Variants in ENTPD1 observed in about 807,000 individuals in gnomAD.
ENTPD1 encodes the protein ATP diphosphohydrolase.
Under a neutral mutation model 57.0 loss-of-function variants are expected in ENTPD1, and 33 were observed. The observed-to-expected ratio is 0.58, with a 90% CI of 0.44 to 0.77. The LOEUF (loss-of-function observed/expected upper bound fraction) is 0.77. Ranked by LOEUF, ENTPD1 falls within the 30% of genes least tolerant of loss-of-function variation. ENTPD1 has a pLI of 0.00. For synonymous variants in ENTPD1, 202 were observed against 218.8 expected (o/e 0.92, Z 0.68); for missense variants, 501 against 603.4 (o/e 0.83, Z 1.78).
rs1022406611 is a variant in ENTPD1, at chr10:95,876,923, G to A, written c.*10540G>A. On this transcript the variant is annotated 3_prime_UTR_variant, in exon 10 of 10. Transcript: ENST00000371205. ...GACAGTCAAATGGTGAAGGTGGGCA[G>A]AATCATTATGTGATGCAACATGGCA... Among the ~76,000 whole-genome samples the A allele has an allele frequency of 6.6e-6, 1 of 152,204 alleles. No individual in the cohort carries two copies. Among genetic ancestry groups the A allele is most frequent in the African/African-American group, 2.4e-5 (1 of 41,456 alleles).
chr10:95,866,976 G>C lies in ENTPD1; in HGVS notation c.*593G>C. 2 of 996,012 alleles carry C rather than the reference G, an allele frequency of 2.0e-6. No homozygotes were observed. Among genetic ancestry groups the C allele is most frequent in the Non-Finnish European group, 1.2e-6 (1 of 835,626 alleles). 61.7% of individuals were successfully genotyped at this position (996,012 alleles called of 1,614,324 possible). A position where few individuals can be genotyped will look rare whatever the true frequency, so the allele number is the denominator to read the frequency against. ...TATATGTGCTCATGCAGTCAATACA[G>C]TTCTCAATCCCACCCAAAGCAGGTA... is the stretch of plus-strand genomic sequence containing the variant. On this transcript the variant is annotated 3_prime_UTR_variant, in exon 10 of 10. Transcript: ENST00000371205.
chr10:95,694,841 G>A, the ENTPD1 span, among the ~76,000 whole-genome samples: 1 of 151,552 alleles, frequency 6.6e-6, no homozygotes, highest in African/African-American at 2.4e-5. Context: ...GGTAGTCACC[G>A]GCCTTATGTG....
At chr10:95,706,702 T>C in the ENTPD1 span, among the ~76,000 whole-genome samples, 1 of 152,198 alleles carries the variant, frequency 6.6e-6, no homozygotes, top group Non-Finnish European at 1.5e-5. Context: ...GTCCTGTGGC[T>C]CATAGGGTAG....
chr10:95,807,540 G>A (rs566636230), intron 1 of ENTPD1, among the ~76,000 whole-genome samples: 2 of 152,348 alleles, frequency 1.3e-5, no homozygotes, highest in South Asian at 4.1e-4. Flanking sequence ...GTTCCAATGA[G>A]TTGAACCAGG....
chr10:95,707,802 A>G (rs2097963117), upstream of ENTPD1, among the ~76,000 whole-genome samples: 1 of 152,136 alleles, frequency 6.6e-6, no homozygotes, highest in Admixed American at 6.5e-5. Flanking sequence ...ATGGAGTTTC[A>G]CCATGCTAGC....
chr10:95,804,511 G>A (rs991952478), intron 1 of ENTPD1, among the ~76,000 whole-genome samples: 1 of 152,222 alleles, frequency 6.6e-6, no homozygotes, highest in African/African-American at 2.4e-5. Context: ...GTATAAGAAT[G>A]CTTATGATTT....
At chr10:95,794,184 C>T (rs928177119) in intron 1 of ENTPD1, among the ~76,000 whole-genome samples, 3 of 151,966 alleles carry the variant, frequency 2.0e-5, no homozygotes, top group African/African-American at 7.3e-5. Flanking sequence ...GATGATTTGG[C>T]TACTACAGTT....
intron 1 of ENTPD1, among the ~76,000 whole-genome samples, chr10:95,729,055 C>G (rs546047329): frequency 1.3e-5 from 2 of 152,040 alleles, no homozygotes; most frequent in African/African-American, 4.8e-5. Flanking sequence ...GGTTCATCTG[C>G]ATGTTTTTTC....
chr10:95,751,804 G>A (rs144221281), upstream of ENTPD1, among the ~76,000 whole-genome samples: 145 of 152,106 alleles, frequency 9.5e-4, 1 homozygote, highest in Middle Eastern at 6.8e-3. Flanking sequence ...TGCTAAGTTT[G>A]AGCTGCTTGT....
At chr10:95,810,572 T>C (rs907764296) in intron 1 of ENTPD1, among the ~76,000 whole-genome samples, 48 of 152,228 alleles carry the variant, frequency 3.2e-4, no homozygotes, top group Non-Finnish European at 5.4e-4. Flanking sequence ...TTTAGTTGCC[T>C]TTTTTATTCT....
chr10:95,838,783 A>G (rs1342409019), intron 2 of ENTPD1, among the ~76,000 whole-genome samples: 1 of 152,196 alleles, frequency 6.6e-6, no homozygotes, highest in East Asian at 1.9e-4. Flanking sequence ...GCTACCCCTC[A>G]TTTAATGTCC....
In ENTPD1 at chr10:95,842,194, T is replaced by C. The variant is rs1038540475; in HGVS notation, c.263-150T>C. The C allele has an allele frequency of 9.8e-6, 7 of 714,966 alleles. No homozygotes were observed. The East Asian group carries it at 1.4e-4, about 14-fold the overall frequency. 44.3% of individuals were successfully genotyped at this position (714,966 alleles called of 1,614,324 possible). A position where few individuals can be genotyped will look rare whatever the true frequency, so the allele number is the denominator to read the frequency against. ...CCTCTCAAGGCTAGGTCCAGTGAAT[T>C]ACCCTCTAAGTACAATAACCTAATG... On this transcript the variant is annotated intron_variant, in intron 3 of 9. Transcript: ENST00000371205.
intron 6 of ENTPD1, among the ~76,000 whole-genome samples, chr10:95,846,759 G>A (rs1368097161): frequency 6.6e-6 from 1 of 152,048 alleles, no homozygotes. Context: ...AGGCCGAGGC[G>A]GGTGGATCAC....
chr10:95,814,775 G>A (rs962665262), intron 1 of ENTPD1, among the ~76,000 whole-genome samples: 10 of 152,140 alleles, frequency 6.6e-5, no homozygotes, highest in Non-Finnish European at 4.4e-5. Context: ...TTCCTCTGAC[G>A]TCTGTGGTTC....
chr10:95,803,036 C>A (rs2098256807), intron 1 of ENTPD1, among the ~76,000 whole-genome samples: 1 of 152,076 alleles, frequency 6.6e-6, no homozygotes, highest in Admixed American at 6.6e-5. Context: ...CCTTGGTTAT[C>A]TGGGCTCTTT....
rs765797005 is a variant in ENTPD1, at chr10:95,871,807, C to T, written c.*5424C>T. ...TGCATGTATGTTGAATAGCAAAGTTCATCAGAGAACATGTATTAGTCAATG... is the reference window on the plus strand; with the variant it reads ...TGCATGTATGTTGAATAGCAAAGTTTATCAGAGAACATGTATTAGTCAATG... On this transcript the variant is annotated 3_prime_UTR_variant, in exon 10 of 10. Coordinates refer to ENST00000371205, the MANE Select transcript of ENTPD1 (RefSeq NM_001776.6). 31 of 985,300 alleles carry T rather than the reference C, an allele frequency of 3.1e-5. No individual in the cohort carries two copies. Among genetic ancestry groups the T allele is most frequent in the South Asian group, 9.4e-5 (2 of 21,292 alleles). The allele number at this position is 985,300 out of a possible 1,614,324, so 61.0% of individuals were successfully genotyped here. A position where few individuals can be genotyped will look rare whatever the true frequency, so the allele number is the denominator to read the frequency against.
chr10:95,793,716 T>C (rs1261758673), intron 1 of ENTPD1, among the ~76,000 whole-genome samples: 1 of 152,076 alleles, frequency 6.6e-6, no homozygotes, highest in Admixed American at 6.6e-5. Context: ...AAGAATTGGA[T>C]TAGAGAAACT....
chr10:95,873,643 A>G lies in ENTPD1; in HGVS notation c.*7260A>G. 4 of 985,414 alleles carry G rather than the reference A, an allele frequency of 4.1e-6. No individual in the cohort carries two copies. Among genetic ancestry groups the G allele is most frequent in the Non-Finnish European group, 4.8e-6 (4 of 829,932 alleles). The allele number at this position is 985,414 out of a possible 1,614,324, so 61.0% of individuals were successfully genotyped here. A position where few individuals can be genotyped will look rare whatever the true frequency, so the allele number is the denominator to read the frequency against. ...GTTTCCTTCTGTCACTCTACTAGGGATGAAACAGCTAATCATGTTCAATAG... is the reference window on the plus strand; with the variant it reads ...GTTTCCTTCTGTCACTCTACTAGGGGTGAAACAGCTAATCATGTTCAATAG... On this transcript the variant is annotated 3_prime_UTR_variant, in exon 10 of 10. Coordinates refer to ENST00000371205, the MANE Select transcript of ENTPD1 (RefSeq NM_001776.6).
At chr10:95,712,667 C>T (rs1216238951) in intron 1 of ENTPD1, among the ~76,000 whole-genome samples, 1 of 152,120 alleles carries the variant, frequency 6.6e-6, no homozygotes. Flanking sequence ...AGTGGATTAA[C>T]GGGTCTGTGA....
Sources: allele counts gnomAD v4.1 joint callset (sites outside exome capture counted in the v4.1 genomes callset), GRCh38; gene constraint gnomAD v4.1.1; transcripts MANE v1.5; gene names NCBI Gene and HGNC (gene_info 2026-07-23, HGNC 2026-07-21).